Variants in TOMM70 observed in about 807,000 individuals in gnomAD.
TOMM70 encodes the protein translocase of outer mitochondrial membrane 70, also known as mitochondrial import receptor subunit TOM70.
In TOMM70, 13 loss-of-function variants were observed where a neutral mutation model predicts 73.6. That is an observed-to-expected ratio of 0.18 (90% CI 0.11 to 0.28). TOMM70 has a LOEUF of 0.28. Among genes scored for constraint, TOMM70 ranks in the 10% least tolerant of loss-of-function variants. TOMM70 has a pLI of 1.00. For missense variants in TOMM70, 609 were observed against 747.5 expected (o/e 0.81, Z 2.16); for synonymous variants, 257 against 271.2 (o/e 0.95, Z 0.51).
Position 100,401,013 on chromosome 3 carries a change from C to A in TOMM70, c.-64G>T. ...AGCGCCACAATCACCAAACAGCGTG[C>A]GAAGGAAGACCGAGGGAGGGAAGGA... On this transcript the variant is annotated 5_prime_UTR_variant, in exon 1 of 12. Coordinates refer to ENST00000284320, the MANE Select transcript of TOMM70 (RefSeq NM_014820.5). The A allele has an allele frequency of 6.8e-7, 1 of 1,462,934 alleles. No individual in the cohort carries two copies. Among genetic ancestry groups the A allele is most frequent in the Non-Finnish European group, 9.2e-7 (1 of 1,087,836 alleles). 90.6% of individuals were successfully genotyped at this position (1,462,934 alleles called of 1,614,324 possible). A position where few individuals can be genotyped will look rare whatever the true frequency, so the allele number is the denominator to read the frequency against.
At chr3:100,398,339 G>C (rs1275865345) in intron 1 of TOMM70, among the ~76,000 whole-genome samples, 1 of 146,078 alleles carries the variant, frequency 6.8e-6, no homozygotes, top group Non-Finnish European at 1.5e-5. Context: ...AGCCAAGATC[G>C]TGCCACTGCA....
Position 100,365,442 on chromosome 3 carries a change from A to G in TOMM70, c.*122T>C. 1 of 1,422,080 alleles carries G rather than the reference A, an allele frequency of 7.0e-7. No individual in the cohort carries two copies. The highest frequency in any genetic ancestry group is 1.5e-5 in the South Asian group (1 of 68,514). 88.1% of individuals were successfully genotyped at this position (1,422,080 alleles called of 1,614,324 possible). A position where few individuals can be genotyped will look rare whatever the true frequency, so the allele number is the denominator to read the frequency against. ...AGACATGAAACAGATGTAACAAATA[A>G]CAACACCACAAACAGAAATACTGAT... On this transcript the variant is annotated 3_prime_UTR_variant, in exon 12 of 12. Coordinates refer to ENST00000284320, the MANE Select transcript of TOMM70 (RefSeq NM_014820.5).
At chr3:100,394,505 A>T (rs921758251) in intron 1 of TOMM70, among the ~76,000 whole-genome samples, 1 of 151,662 alleles carries the variant, frequency 6.6e-6, no homozygotes, top group Non-Finnish European at 1.5e-5. Flanking sequence ...TTACTTACTT[A>T]CTTTCTTTCT....
intron 9 of TOMM70, among the ~76,000 whole-genome samples, chr3:100,370,127 A>C (rs1706492795): frequency 6.6e-6 from 1 of 152,244 alleles, no homozygotes; most frequent in Non-Finnish European, 1.5e-5. Context: ...AAATGTAGCC[A>C]GCACATCTTC....
Position 100,365,736 on chromosome 3 carries a change from T to C in TOMM70, c.1674-19A>G, listed in dbSNP as rs1706442114. 1.2e-6 allele frequency: 2 copies of C among 1,613,068 alleles called. No homozygotes were observed. Among genetic ancestry groups the C allele is most frequent in the South Asian group, 1.1e-5 (1 of 91,054 alleles). ...GTTTCCTCTAAAAGAACAAAATTTT[T>C]AAGTCTCAGATTCAACAAGCACTTC... On this transcript the variant is annotated intron_variant, in intron 11 of 11. Transcript: ENST00000284320.
chr3:100,384,660 C>A (rs1490540406), intron 3 of TOMM70, 72 bp from the exon 4 acceptor site: 2 of 1,070,070 alleles, frequency 1.9e-6, no homozygotes, highest in Non-Finnish European at 2.6e-6. Flanking sequence ...CAAATGGGTA[C>A]AATGTAACTA....
chr3:100,372,274 A>G (rs1706519088), intron 9 of TOMM70: 2 of 200,978 alleles, frequency 1.0e-5, no homozygotes, highest in Middle Eastern at 3.5e-3. Context: ...TAGAAAGAAA[A>G]GCCTTTCCGT....
At chr3:100,387,617 C>CACAG (rs1706708025) in intron 1 of TOMM70, among the ~76,000 whole-genome samples, 1 of 141,656 alleles carries the variant, frequency 7.1e-6, no homozygotes, top group African/African-American at 2.6e-5. Context: ...CACACACACA[C>CACAG]ACACACACAC....
At chr3:100,399,214 G>C (rs1706860169) in intron 1 of TOMM70, among the ~76,000 whole-genome samples, 2 of 151,886 alleles carry the variant, frequency 1.3e-5, no homozygotes, top group South Asian at 4.2e-4. Context: ...AGGAGGCGGA[G>C]GTGGTGGTGA....
chr3:100,382,129 C>T (rs1193663846), intron 4 of TOMM70, among the ~76,000 whole-genome samples: 8 of 152,186 alleles, frequency 5.3e-5, no homozygotes, highest in Admixed American at 1.3e-4. Context: ...TTATTTGAGG[C>T]ATAGCCACCC....
intron 11 of TOMM70, among the ~76,000 whole-genome samples, chr3:100,367,447 G>A (rs1261372495): frequency 1.3e-5 from 2 of 152,160 alleles, no homozygotes; most frequent in East Asian, 1.9e-4. Context: ...CTCAAACCCT[G>A]TCTTCTCTAT....
At chr3:100,369,997 TATAAG>T (rs1706490966) in intron 9 of TOMM70, among the ~76,000 whole-genome samples, 1 of 152,224 alleles carries the variant, frequency 6.6e-6, no homozygotes. Flanking sequence ...CCCGGTTATT[TATAAG>T]ATGACTTTTA....
At chr3:100,378,042 C>G in intron 5 of TOMM70, 130 bp from the exon 6 acceptor site, 2 of 674,898 alleles carry the variant, frequency 3.0e-6, no homozygotes, top group South Asian at 1.9e-5. Flanking sequence ...GTCAGGCATT[C>G]GAGACCAGCC....
intron 1 of TOMM70, among the ~76,000 whole-genome samples, chr3:100,389,811 G>A (rs572320058): frequency 6.6e-6 from 1 of 152,194 alleles, no homozygotes; most frequent in Non-Finnish European, 1.5e-5. Flanking sequence ...GGAGGCTGAG[G>A]CGGGTGGATT....
intron 10 of TOMM70, among the ~76,000 whole-genome samples, chr3:100,368,737 G>C (rs966389969): frequency 1.3e-5 from 2 of 152,074 alleles, no homozygotes; most frequent in Admixed American, 1.3e-4. Context: ...ACCACACCTG[G>C]CTAATTTTTT....
intron 1 of TOMM70, among the ~76,000 whole-genome samples, chr3:100,394,466 A>G (rs1185198526): frequency 6.6e-6 from 1 of 152,022 alleles, no homozygotes; most frequent in East Asian, 1.9e-4. Context: ...TGTATGAGAA[A>G]CAATGTTTCA....
chr3:100,392,300 T>TAC (rs35564715), intron 1 of TOMM70, among the ~76,000 whole-genome samples: 22,779 of 152,132 alleles, frequency 0.15, 3,150 homozygotes, highest in East Asian at 0.49. Flanking sequence ...CAACTGCATA[T>TAC]ACACACACAC....
In TOMM70 at chr3:100,365,349, T is replaced by C; in HGVS notation, c.*215A>G. 1.8e-6 allele frequency: 1 copy of C among 545,518 alleles called. No individual in the cohort carries two copies. The highest frequency in any genetic ancestry group is 3.1e-6 in the Non-Finnish European group (1 of 323,284). 33.8% of individuals were successfully genotyped at this position (545,518 alleles called of 1,614,324 possible). A position where few individuals can be genotyped will look rare whatever the true frequency, so the allele number is the denominator to read the frequency against. On this transcript the variant is annotated 3_prime_UTR_variant, in exon 12 of 12. Transcript: ENST00000284320. ...AAAATCCCTTTAACATGTTCTAATC[T>C]TTTGTTGCACAGGGAATAAAAGCTG...
chr3:100,375,203 A>G (rs1706548746), intron 6 of TOMM70, 51 bp from the exon 7 acceptor site: 1 of 1,481,644 alleles, frequency 6.7e-7, no homozygotes, highest in African/African-American at 1.4e-5. Context: ...TTTCCCTCCA[A>G]TCTAGTTTCT....
Sources: gnomAD v4.1 joint callset for allele counts (sites outside exome capture counted in the v4.1 genomes callset) on GRCh38, gnomAD v4.1.1 for gene constraint, MANE v1.5 for transcripts, NCBI Gene and HGNC (gene_info 2026-07-23, HGNC 2026-07-21) for gene names.